The following NADK2 variants were observed in gnomAD, a reference collection of about 807,000 sequenced individuals.
NADK2 encodes NAD kinase 2, mitochondrial.
A neutral mutation model predicts 62.1 loss-of-function variants in NADK2; 35 were observed. That is an observed-to-expected ratio of 0.56 (90% confidence interval 0.43 to 0.75). The LOEUF (loss-of-function observed/expected upper bound fraction) is 0.75, where lower values mean the gene tolerates loss of function less well. NADK2 is among the 30% of genes least tolerant of loss of function. The pLI is 0.00. For synonymous variants in NADK2, 205 were observed against 207.9 expected (o/e 0.99, Z 0.12); for missense variants, 439 against 561.3 (o/e 0.78, Z 2.20).
intron 1 of NADK2, among the ~76,000 whole-genome samples, chr5:36,238,328 T>C (rs1035247020): frequency 6.6e-5 from 10 of 152,292 alleles, no homozygotes; most frequent in South Asian, 2.1e-4. Context: ...CACGGCAGAC[T>C]GTTAAATGAA....
chr5:36,201,967 T>C (rs1196277369), intron 8 of NADK2, among the ~76,000 whole-genome samples: 1 of 152,006 alleles, frequency 6.6e-6, no homozygotes, highest in Non-Finnish European at 1.5e-5. Context: ...TCCCAGTAAT[T>C]TTGAATTCTT....
Position 36,241,804 on chromosome 5 carries a change from G to A in NADK2, c.-6C>T. On this transcript the variant is annotated 5_prime_UTR_variant, in exon 1 of 12. Transcript: ENST00000381937. The surrounding 1 kb of genome is among the most constrained non-coding windows in gnomAD (Gnocchi z 4.9). ...AAGCCTCGGTAGCAAGTCATCGTGG[G>A]CCGGGCCGCGGCCGCGGGCTTGGGC... 3.8e-6 allele frequency: 5 copies of A among 1,316,262 alleles called. No homozygotes were observed. The South Asian group carries it at 7.5e-5, about 20-fold the overall frequency. 81.5% of individuals were successfully genotyped at this position (1,316,262 alleles called of 1,614,324 possible). A position where few individuals can be genotyped will look rare whatever the true frequency, so the allele number is the denominator to read the frequency against.
intron 5 of NADK2, chr5:36,218,277 A>G (rs1747124954): frequency 6.5e-6 from 1 of 153,344 alleles, no homozygotes; most frequent in South Asian, 2.1e-4. Context: ...ATTAGATAAA[A>G]ATCCCTCTCC....
chr5:36,206,070 A>G (rs966246420), intron 8 of NADK2, among the ~76,000 whole-genome samples: 5 of 152,050 alleles, frequency 3.3e-5, no homozygotes, highest in African/African-American at 1.2e-4. Flanking sequence ...GCATGTTCTC[A>G]CTCATAAGTA....
chr5:36,211,156 A>G (rs546120293), intron 7 of NADK2, among the ~76,000 whole-genome samples: 1 of 152,320 alleles, frequency 6.6e-6, no homozygotes, highest in South Asian at 2.1e-4. Context: ...AGCCCCCAAT[A>G]TTTAAGAAAT....
At chr5:36,218,977 A>T (rs1220013385) in intron 5 of NADK2, among the ~76,000 whole-genome samples, 1 of 152,200 alleles carries the variant, frequency 6.6e-6, no homozygotes, top group Non-Finnish European at 1.5e-5. Context: ...AGGACATGTA[A>T]CGAGGTTAAG....
At chr5:36,210,005 G>A (rs1176053083) in intron 7 of NADK2, among the ~76,000 whole-genome samples, 10 of 152,060 alleles carry the variant, frequency 6.6e-5, no homozygotes, top group African/African-American at 2.4e-4. Context: ...TTTTAGTTAA[G>A]ACAAATTTTT....
intron 7 of NADK2, among the ~76,000 whole-genome samples, chr5:36,210,980 G>A (rs995322241): frequency 3.9e-5 from 6 of 152,102 alleles, no homozygotes; most frequent in Non-Finnish European, 8.8e-5. Flanking sequence ...TTTAGACATG[G>A]TAAGATGCCA....
chr5:36,200,852 A>G (rs1304999630), intron 9 of NADK2, among the ~76,000 whole-genome samples: 1 of 152,070 alleles, frequency 6.6e-6, no homozygotes, highest in Non-Finnish European at 1.5e-5. Context: ...AGATATGCCA[A>G]AGAGAAGCCA....
intron 11 of NADK2, among the ~76,000 whole-genome samples, chr5:36,196,016 G>T (rs1746218711): frequency 6.6e-6 from 1 of 152,106 alleles, no homozygotes; most frequent in African/African-American, 2.4e-5. Context: ...AATCACTTCT[G>T]TTATATGAAA....
intron 1 of NADK2, among the ~76,000 whole-genome samples, chr5:36,234,369 T>A: frequency 1.3e-5 from 1 of 76,876 alleles, no homozygotes; most frequent in African/African-American, 7.2e-5. Context: ...CGAAACTCCG[T>A]CTCAAAAAAA....
chr5:36,214,907 AT>A (rs1388894433), intron 6 of NADK2, among the ~76,000 whole-genome samples: 6 of 152,176 alleles, frequency 3.9e-5, no homozygotes, highest in Non-Finnish European at 8.8e-5. Flanking sequence ...TATTAAACCA[AT>A]TCATCTCTCT....
intron 7 of NADK2, 46 bp downstream of exon 7, chr5:36,211,798 A>T (rs1252369799): frequency 6.7e-7 from 1 of 1,487,222 alleles, no homozygotes; most frequent in Non-Finnish European, 9.3e-7. Context: ...ATCCAAAAGC[A>T]CTAAAACATT....
intron 9 of NADK2, among the ~76,000 whole-genome samples, 193 bp downstream of exon 9, chr5:36,200,913 A>G (rs1274773731): frequency 6.6e-6 from 1 of 152,086 alleles, no homozygotes; most frequent in African/African-American, 2.4e-5. Flanking sequence ...GAAAAAGGTC[A>G]TATGCTGAGG....
chr5:36,230,692 G>A (rs1220271441), intron 1 of NADK2, among the ~76,000 whole-genome samples: 3 of 152,208 alleles, frequency 2.0e-5, no homozygotes, highest in Non-Finnish European at 4.4e-5. Context: ...CCTTAGAACT[G>A]AGGAGAGTTA....
At chr5:36,206,145 G>A (rs1049074590) in intron 8 of NADK2, among the ~76,000 whole-genome samples, 4 of 151,988 alleles carry the variant, frequency 2.6e-5, no homozygotes, top group African/African-American at 9.7e-5. Context: ...GCCTTTTGTG[G>A]GGTGGGAGAC....
chr5:36,223,080 C>T (rs1207307997), intron 4 of NADK2, among the ~76,000 whole-genome samples: 2 of 152,046 alleles, frequency 1.3e-5, no homozygotes, highest in Non-Finnish European at 2.9e-5. Flanking sequence ...CCAACTGTTC[C>T]CTGCTTTGCC....
Position 36,211,905 on chromosome 5 carries a change from G to T in NADK2, c.799C>A (p.Pro267Thr). Reference sequence around the variant, plus strand: ...AGTGCTCTCACTGGCAGAAGTTGGGGTCCTGAAGCCTCAGACCCTGCATGT... The same window carrying T: ...AGTGCTCTCACTGGCAGAAGTTGGGTTCCTGAAGCCTCAGACCCTGCATGT... ...AHDERSEASG[P>T]QLLPVRALNE... Residue 267 changes from proline (P) to threonine (T), a missense_variant, in exon 7 of 12, where the codon CCC (proline) becomes ACC (threonine). By Grantham distance (38) the Pro-to-Thr change is conservative (BLOSUM62 -1). Coordinates refer to ENST00000381937, the MANE Select transcript of NADK2 (RefSeq NM_001085411.3). 1 of 1,613,504 alleles carries T rather than the reference G, an allele frequency of 6.2e-7. No individual in the cohort carries two copies. Among genetic ancestry groups the T allele is most frequent in the Non-Finnish European group, 8.5e-7 (1 of 1,179,648 alleles).
chr5:36,237,911 G>A (rs1747967037), intron 1 of NADK2, among the ~76,000 whole-genome samples: 1 of 152,142 alleles, frequency 6.6e-6, no homozygotes. Flanking sequence ...CTAAGGTTCA[G>A]GTGTCTGCAT....
Sources: gnomAD v4.1 joint callset for allele counts (sites outside exome capture counted in the v4.1 genomes callset) on GRCh38, gnomAD v4.1.1 for gene constraint, Gnocchi (gnomAD v3.1) non-coding constraint, MANE v1.5 for transcripts, NCBI Gene and HGNC (gene_info 2026-07-23, HGNC 2026-07-21) for gene names.